Variants in FHIT observed in about 807,000 individuals in gnomAD.
The protein encoded by FHIT is fragile histidine triad diadenosine triphosphatase.
In FHIT, 19 loss-of-function variants were observed where a neutral mutation model predicts 17.9. The observed-to-expected ratio is 1.06, with a 90% CI of 0.74 to 1.56. The LOEUF (loss-of-function observed/expected upper bound fraction) is 1.56. Among genes scored for constraint, FHIT ranks in the 40% most tolerant of loss-of-function variants. The pLI is 0.00. For synonymous variants in FHIT, 81 were observed against 69.7 expected (o/e 1.16, Z -0.81); for missense variants, 248 against 189.2 (o/e 1.31, Z -1.82).
chr3:60,275,763 G>C (rs1297458923), intron 5 of FHIT, among the ~76,000 whole-genome samples: 2 of 152,260 alleles, frequency 1.3e-5, no homozygotes, highest in Non-Finnish European at 2.9e-5. Context: ...AGGAGAGTCA[G>C]TTACTAAAAC....
chr3:60,309,784 A>G (rs1708857430), intron 5 of FHIT, among the ~76,000 whole-genome samples: 1 of 152,064 alleles, frequency 6.6e-6, no homozygotes, highest in Non-Finnish European at 1.5e-5. Context: ...GGCTTTTTAT[A>G]TAGATCCTGG....
At chr3:61,223,760 C>T (rs1040526795) in intron 1 of FHIT, among the ~76,000 whole-genome samples, 9 of 152,272 alleles carry the variant, frequency 5.9e-5, no homozygotes, top group East Asian at 1.9e-4. Flanking sequence ...TCTTTAAATG[C>T]TATCTTATTT....
At chr3:59,951,421 A>G (rs1575753042) in intron 7 of FHIT, among the ~76,000 whole-genome samples, 1 of 152,236 alleles carries the variant, frequency 6.6e-6, no homozygotes, top group South Asian at 2.1e-4. Context: ...CAAGAAAAAA[A>G]TAAGTTGGAG....
intron 8 of FHIT, among the ~76,000 whole-genome samples, chr3:59,913,415 A>G (rs1379064530): frequency 3.9e-5 from 6 of 152,192 alleles, no homozygotes; most frequent in African/African-American, 1.4e-4. Context: ...CTTTGATATA[A>G]ACAAGCTTTG....
At chr3:60,997,391 A>G (rs1213791339) in intron 3 of FHIT, among the ~76,000 whole-genome samples, 1 of 152,126 alleles carries the variant, frequency 6.6e-6, no homozygotes, top group African/African-American at 2.4e-5. Flanking sequence ...TCAATATTTT[A>G]CATAAAGATC....
At chr3:60,406,578 G>C (rs1328283295) in intron 5 of FHIT, among the ~76,000 whole-genome samples, 1 of 149,452 alleles carries the variant, frequency 6.7e-6, no homozygotes, top group Non-Finnish European at 1.5e-5. Flanking sequence ...TGTGGATCAA[G>C]TTAATCATTT....
intron 4 of FHIT, among the ~76,000 whole-genome samples, chr3:60,650,574 A>G (rs1451479974): frequency 6.6e-6 from 1 of 152,230 alleles, no homozygotes; most frequent in East Asian, 1.9e-4. Flanking sequence ...TGACATACAG[A>G]GAGAAAAAGG....
At chr3:60,513,350 A>G (rs2035020757) in intron 5 of FHIT, among the ~76,000 whole-genome samples, 1 of 152,132 alleles carries the variant, frequency 6.6e-6, no homozygotes, top group Admixed American at 6.5e-5. Context: ...TTTCCCAGGT[A>G]TTTTTCTTCA....
At chr3:60,025,748 A>AAAG (rs1553653992) in intron 5 of FHIT, among the ~76,000 whole-genome samples, 1 of 151,984 alleles carries the variant, frequency 6.6e-6, no homozygotes, top group Non-Finnish European at 1.5e-5. Context: ...AAAAAAAAAA[A>AAAG]AGAGAGAGTG....
chr3:60,109,736 A>C (rs1704589710), intron 5 of FHIT, among the ~76,000 whole-genome samples: 1 of 152,148 alleles, frequency 6.6e-6, no homozygotes, highest in South Asian at 2.1e-4. Context: ...CCCCTGGAAG[A>C]CATGTTCTTA....
intron 2 of FHIT, among the ~76,000 whole-genome samples, chr3:61,078,981 A>G (rs974557145): frequency 1.3e-5 from 2 of 152,158 alleles, no homozygotes; most frequent in African/African-American, 4.8e-5. Context: ...GAAAGTCAAT[A>G]TGGGTACCAC....
chr3:60,928,655 G>C (rs1376470707), intron 3 of FHIT, among the ~76,000 whole-genome samples: 1 of 149,720 alleles, frequency 6.7e-6, no homozygotes, highest in African/African-American at 2.4e-5. Context: ...ACCCTCCCAA[G>C]ACTAAACCAG....
chr3:60,645,950 T>C (rs891485191), intron 4 of FHIT, among the ~76,000 whole-genome samples: 1 of 152,196 alleles, frequency 6.6e-6, no homozygotes, highest in African/African-American at 2.4e-5. Flanking sequence ...ACTTGAAATA[T>C]GTGGACTTAA....
intron 9 of FHIT, chr3:59,750,523 G>A (rs1700836394): frequency 4.4e-6 from 1 of 225,006 alleles, no homozygotes; most frequent in East Asian, 6.4e-5. Flanking sequence ...GAGAGAGATG[G>A]TGAACAGTGG....
intron 5 of FHIT, among the ~76,000 whole-genome samples, chr3:60,242,476 T>G (rs1448639941): frequency 1.3e-5 from 2 of 152,096 alleles, no homozygotes; most frequent in African/African-American, 2.4e-5. Context: ...GTATGTTTGC[T>G]TCTCCCCAAT....
At chr3:60,125,617 C>CAA (rs200255368) in intron 5 of FHIT, among the ~76,000 whole-genome samples, 75 of 122,740 alleles carry the variant, frequency 6.1e-4, no homozygotes, top group African/African-American at 1.5e-3. Context: ...GACACTGTCT[C>CAA]AAAAAAAAAA....
intron 7 of FHIT, among the ~76,000 whole-genome samples, chr3:59,963,752 T>G (rs761386503): frequency 5.9e-5 from 9 of 152,190 alleles, no homozygotes; most frequent in African/African-American, 9.6e-5. Context: ...CCAAGAAGAA[T>G]TCTCAATCCA....
chr3:61,019,374 A>C (rs372440473), intron 3 of FHIT, among the ~76,000 whole-genome samples: 1 of 152,212 alleles, frequency 6.6e-6, no homozygotes, highest in Non-Finnish European at 1.5e-5. Context: ...GAATGTTGCA[A>C]GGTACTATTC....
At chr3:59,986,500 T>A (rs1312442087) in intron 7 of FHIT, among the ~76,000 whole-genome samples, 1 of 2,504 alleles carries the variant, frequency 4.0e-4, no homozygotes, top group South Asian at 0.042. Flanking sequence ...TAGTCCAAAA[T>A]ATATATATAT....
Sources: allele counts gnomAD v4.1 joint callset (sites outside exome capture counted in the v4.1 genomes callset), GRCh38; gene constraint gnomAD v4.1.1; transcripts MANE v1.5; gene names NCBI Gene and HGNC (gene_info 2026-07-23, HGNC 2026-07-21).